Variants in HIVEP2 observed in about 807,000 individuals in gnomAD.
HIVEP2 encodes transcription factor HIVEP2.
A neutral mutation model predicts 180.7 loss-of-function variants in HIVEP2; 14 were observed. The observed-to-expected ratio is 0.08, with a 90% CI of 0.05 to 0.12. HIVEP2 has a LOEUF of 0.12. Ranked by LOEUF, HIVEP2 falls within the 10% of genes least tolerant of loss-of-function variation. The pLI is 1.00. For synonymous variants in HIVEP2, 1,184 were observed against 1,136.4 expected, an observed-to-expected ratio of 1.04 and a Z score of -0.84; for missense variants, 2,579 against 3,008.5, an observed-to-expected ratio of 0.86 and a Z score of 3.34.
chr6:142,812,750 T>C (rs1468266910), intron 2 of HIVEP2, among the ~76,000 whole-genome samples: 1 of 152,140 alleles, frequency 6.6e-6, no homozygotes, highest in Non-Finnish European at 1.5e-5. Flanking sequence ...ATGGCTGTGT[T>C]AAGTGGAAAC....
chr6:142,754,319 A>AC (rs545738247), intron 9 of HIVEP2, among the ~76,000 whole-genome samples: 14 of 151,414 alleles, frequency 9.2e-5, no homozygotes, highest in African/African-American at 2.7e-4. Context: ...CATTAATAAT[A>AC]TTTTTTTTAA....
chr6:142,885,307 T>C (rs756345256), intron 1 of HIVEP2, among the ~76,000 whole-genome samples: 2 of 151,594 alleles, frequency 1.3e-5, no homozygotes, highest in African/African-American at 4.9e-5. Context: ...CAAAAGGAAT[T>C]CCCCCTCCCT....
chr6:142,831,949 T>C (rs1775096218), intron 2 of HIVEP2, among the ~76,000 whole-genome samples: 1 of 152,120 alleles, frequency 6.6e-6, no homozygotes, highest in Non-Finnish European at 1.5e-5. Context: ...CACAGCATTT[T>C]GGGAGGCCAA....
chr6:142,868,290 T>A (rs1776194527), intron 1 of HIVEP2, among the ~76,000 whole-genome samples: 1 of 152,174 alleles, frequency 6.6e-6, no homozygotes, highest in African/African-American at 2.4e-5. Context: ...TACTTCCTTT[T>A]ACCGTACAGT....
At chr6:142,854,938 C>T (rs564799142) in intron 1 of HIVEP2, among the ~76,000 whole-genome samples, 1 of 152,208 alleles carries the variant, frequency 6.6e-6, no homozygotes, top group Non-Finnish European at 1.5e-5. Context: ...CCACAAATGA[C>T]TCCATGACCC....
At chr6:142,851,922 G>T (rs1433060115) in intron 1 of HIVEP2, among the ~76,000 whole-genome samples, 1 of 152,206 alleles carries the variant, frequency 6.6e-6, no homozygotes, top group Non-Finnish European at 1.5e-5. Context: ...ATGATATGCT[G>T]CTTTCACACT....
Position 142,928,674 on chromosome 6 carries a change from T to G in HIVEP2, c.-641+16425A>C, listed in dbSNP as rs1196160141. Among the ~76,000 whole-genome samples, 2 of 152,230 alleles carry G rather than the reference T, an allele frequency of 1.3e-5. 1 individual carries two copies. The highest frequency in any genetic ancestry group is 3.8e-4 in the East Asian group (2 of 5,204). ...TAAATTTGCATAGTATATTAGAGTT[T>G]GCTATTTGCTTCACATATATATATT... is the stretch of plus-strand genomic sequence containing the variant. On this transcript the variant is annotated intron_variant, in intron 1 of 9. Transcript: ENST00000367603.
intron 1 of HIVEP2, among the ~76,000 whole-genome samples, chr6:142,888,176 G>A (rs998176459): frequency 6.6e-6 from 1 of 151,744 alleles, no homozygotes; most frequent in African/African-American, 2.4e-5. Flanking sequence ...TTCTCCTTTA[G>A]TCTCAGTATT....
intron 1 of HIVEP2, chr6:142,944,798 C>T (rs1778274470): frequency 6.6e-6 from 1 of 152,660 alleles, no homozygotes; most frequent in African/African-American, 2.4e-5. Context: ...AAACCGCCCC[C>T]ACCCGTCTCC....
At chr6:142,909,184 C>G (rs1469148033) in intron 1 of HIVEP2, among the ~76,000 whole-genome samples, 1 of 151,786 alleles carries the variant, frequency 6.6e-6, no homozygotes. Flanking sequence ...ATATCATGAC[C>G]CAAGGAAATC....
At chr6:142,870,379 A>G (rs1227559583) in intron 1 of HIVEP2, among the ~76,000 whole-genome samples, 1 of 152,156 alleles carries the variant, frequency 6.6e-6, no homozygotes, top group African/African-American at 2.4e-5. Context: ...AATGAAATCA[A>G]TGTACATGAA....
At chr6:142,839,594 G>A (rs1298649073) in intron 1 of HIVEP2, among the ~76,000 whole-genome samples, 2 of 152,140 alleles carry the variant, frequency 1.3e-5, no homozygotes, top group Non-Finnish European at 2.9e-5. Context: ...CTGGGCTTGA[G>A]TGACTTTCTC....
chr6:142,851,340 C>G (rs1775667422), intron 1 of HIVEP2, among the ~76,000 whole-genome samples: 1 of 152,086 alleles, frequency 6.6e-6, no homozygotes, highest in Non-Finnish European at 1.5e-5. Context: ...TAAGATGTAG[C>G]AAATAGTTTT....
chr6:142,754,036 T>A (rs1775000013), intron 9 of HIVEP2, 105 bp from the exon 10 acceptor site: 2 of 609,534 alleles, frequency 3.3e-6, no homozygotes, highest in Non-Finnish European at 5.8e-6. Context: ...ATTCACTACC[T>A]AGAGAGGCTT....
At chr6:142,917,901 G>C (rs192900434) in intron 1 of HIVEP2, among the ~76,000 whole-genome samples, 1 of 152,010 alleles carries the variant, frequency 6.6e-6, no homozygotes, top group African/African-American at 2.4e-5. Context: ...TCAGCCTCTC[G>C]AGTAGCTGGG....
intron 7 of HIVEP2, among the ~76,000 whole-genome samples, chr6:142,762,353 T>C (rs1255425040): frequency 2.0e-5 from 3 of 152,126 alleles, no homozygotes; most frequent in African/African-American, 7.2e-5. Context: ...CATGTGTGGA[T>C]ATAAATTATA....
intron 2 of HIVEP2, among the ~76,000 whole-genome samples, chr6:142,796,991 T>C (rs1054182836): frequency 1.3e-5 from 2 of 152,186 alleles, no homozygotes; most frequent in African/African-American, 4.8e-5. Flanking sequence ...TGTGTTTACA[T>C]GTCTCTCATC....
chr6:142,788,938 T>C (rs1008479366), intron 2 of HIVEP2, among the ~76,000 whole-genome samples: 2 of 152,168 alleles, frequency 1.3e-5, no homozygotes, highest in African/African-American at 4.8e-5. Context: ...TATATGCTAA[T>C]ATACAGAAAT....
Position 142,772,611 on chromosome 6 carries a change from G to T in HIVEP2, c.2128C>A (p.Pro710Thr). 1 of 1,614,178 alleles carries T rather than the reference G, an allele frequency of 6.2e-7. No individual in the cohort carries two copies. Among genetic ancestry groups the T allele is most frequent in the Non-Finnish European group, 8.5e-7 (1 of 1,180,030 alleles). The change falls in exon 5 of 10, where the codon CCC (proline) becomes ACC (threonine). Residue 710 changes from proline to threonine, a missense_variant. Coordinates refer to ENST00000367603, the MANE Select transcript of HIVEP2 (RefSeq NM_006734.4). The surrounding 1 kb of genome is among the most constrained non-coding windows in gnomAD (Gnocchi z 4.9). ...CTTACAATGCTGCTGCAGATCATGG[G>T]CGTGTCCTCTTCATCCCCTACGCTC... ...EKSVGDEEDTPMICSSIVSTP... is the reference protein window; with the variant it reads ...EKSVGDEEDTTMICSSIVSTP...
Sources: allele counts gnomAD v4.1 joint callset (sites outside exome capture counted in the v4.1 genomes callset), GRCh38; gene constraint gnomAD v4.1.1; non-coding constraint Gnocchi (gnomAD v3.1); transcripts MANE v1.5; gene names NCBI Gene and HGNC (gene_info 2026-07-23, HGNC 2026-07-21).